IMMP2L: variants seen among roughly 807,000 people sequenced by gnomAD.
The protein encoded by IMMP2L is inner mitochondrial membrane peptidase subunit 2, also known as mitochondrial inner membrane protease subunit 2.
In IMMP2L, 18 loss-of-function variants were observed where a neutral mutation model predicts 19.3. The observed-to-expected ratio is 0.93, with a 90% CI of 0.64 to 1.38. The LOEUF is 1.38. Among genes scored for constraint, IMMP2L ranks in the 40% most tolerant of loss-of-function variants. The pLI, the probability that IMMP2L is intolerant of heterozygous loss-of-function variation, is 0.00. For synonymous variants in IMMP2L, 76 were observed against 73.0 expected (o/e 1.04, Z -0.21); for missense variants, 233 against 218.2 (o/e 1.07, Z -0.43).
chr7:110,861,831 C>A (rs1807459801), intron 5 of IMMP2L, among the ~76,000 whole-genome samples: 1 of 151,964 alleles, frequency 6.6e-6, no homozygotes, highest in Admixed American at 6.6e-5. Context: ...AAGGATAATT[C>A]AGAAGATATG....
intron 3 of IMMP2L, among the ~76,000 whole-genome samples, chr7:111,430,107 C>T (rs1836478865): frequency 6.6e-6 from 1 of 151,802 alleles, no homozygotes; most frequent in Admixed American, 6.6e-5. Context: ...TCCTCTCATC[C>T]ATCTGGTTTT....
At chr7:111,375,049 G>A (rs1345801191) in intron 3 of IMMP2L, among the ~76,000 whole-genome samples, 2 of 152,036 alleles carry the variant, frequency 1.3e-5, no homozygotes, top group Non-Finnish European at 2.9e-5. Context: ...TTATACTTTA[G>A]TGTTGTCTCC....
At chr7:111,386,888 T>A (rs1831811859) in intron 3 of IMMP2L, among the ~76,000 whole-genome samples, 1 of 151,970 alleles carries the variant, frequency 6.6e-6, no homozygotes, top group African/African-American at 2.4e-5. Context: ...AGGCATAAAA[T>A]AACCCCACAA....
chr7:110,953,721 T>C (rs976960284), intron 4 of IMMP2L, among the ~76,000 whole-genome samples: 1 of 152,166 alleles, frequency 6.6e-6, no homozygotes, highest in African/African-American at 2.4e-5. Context: ...TTTCTGGTTC[T>C]AGATCCTTCA....
intron 5 of IMMP2L, among the ~76,000 whole-genome samples, chr7:110,840,263 C>A (rs1181860661): frequency 6.6e-6 from 1 of 152,090 alleles, no homozygotes; most frequent in Non-Finnish European, 1.5e-5. Context: ...CTTCGCCATC[C>A]CGGTTTTCTG....
intron 3 of IMMP2L, among the ~76,000 whole-genome samples, chr7:111,020,565 C>A (rs1233425229): frequency 1.3e-5 from 2 of 152,102 alleles, no homozygotes; most frequent in African/African-American, 4.8e-5. Flanking sequence ...AGTTCAAGAC[C>A]AGCCTGGGCA....
chr7:111,055,137 A>C (rs1028911066), intron 3 of IMMP2L, among the ~76,000 whole-genome samples: 1 of 151,796 alleles, frequency 6.6e-6, no homozygotes, highest in Non-Finnish European at 1.5e-5. Context: ...TGCAGTCTCA[A>C]ACTCTTGGGC....
chr7:111,532,097 A>C (rs1037076008), intron 1 of IMMP2L, among the ~76,000 whole-genome samples: 14 of 152,280 alleles, frequency 9.2e-5, no homozygotes, highest in Admixed American at 9.2e-4. Flanking sequence ...TAACACTCAG[A>C]ACCTAAAAAA....
chr7:110,787,218 G>A (rs758500668), intron 5 of IMMP2L, among the ~76,000 whole-genome samples: 2 of 151,876 alleles, frequency 1.3e-5, no homozygotes, highest in African/African-American at 2.4e-5. Context: ...TCATAATGTT[G>A]CAATATACCC....
At chr7:110,928,687 G>A (rs887637923) in intron 4 of IMMP2L, among the ~76,000 whole-genome samples, 1 of 152,022 alleles carries the variant, frequency 6.6e-6, no homozygotes, top group African/African-American at 2.4e-5. Flanking sequence ...ATTCTCACTT[G>A]AGATTTCTGT....
chr7:111,057,220 G>A (rs1006322728), intron 3 of IMMP2L, among the ~76,000 whole-genome samples: 4 of 152,088 alleles, frequency 2.6e-5, no homozygotes, highest in Non-Finnish European at 5.9e-5. Context: ...CATTGGCATG[G>A]TGCATTCACC....
intron 1 of IMMP2L, among the ~76,000 whole-genome samples, chr7:111,550,448 T>A (rs1397413972): frequency 5.3e-5 from 8 of 152,118 alleles, no homozygotes; most frequent in Non-Finnish European, 1.2e-4. Flanking sequence ...AACAATGAAC[T>A]TTGGGGGATA....
At chr7:110,755,179 G>A (rs922576887) in intron 5 of IMMP2L, among the ~76,000 whole-genome samples, 1 of 151,892 alleles carries the variant, frequency 6.6e-6, no homozygotes, top group Non-Finnish European at 1.5e-5. Context: ...TAAATATTTT[G>A]TTCATAAATA....
chr7:111,480,597 C>CAAA (rs925037556), intron 3 of IMMP2L, among the ~76,000 whole-genome samples: 13 of 55,026 alleles, frequency 2.4e-4, no homozygotes, highest in East Asian at 2.3e-3. Context: ...ATTTTACTGT[C>CAAA]AAAAAAAAAA....
intron 3 of IMMP2L, among the ~76,000 whole-genome samples, chr7:111,315,004 G>A (rs978555293): frequency 4.6e-5 from 7 of 152,064 alleles, no homozygotes; most frequent in East Asian, 1.9e-4. Flanking sequence ...AAAGTAAATC[G>A]GGAGGAAAAT....
At chr7:110,887,738 TGC>T (rs1380712892) in intron 4 of IMMP2L, among the ~76,000 whole-genome samples, 2 of 151,202 alleles carry the variant, frequency 1.3e-5, no homozygotes, top group Non-Finnish European at 2.9e-5. Context: ...GGGCAGAGAC[TGC>T]TTTTTTTTTT....
intron 5 of IMMP2L, among the ~76,000 whole-genome samples, chr7:110,859,791 G>A (rs1807203216): frequency 6.6e-6 from 1 of 151,294 alleles, no homozygotes; most frequent in African/African-American, 2.4e-5. Context: ...ATACAGTTGT[G>A]CAAATAAAAA....
Position 111,301,918 on chromosome 7 carries a change from C to T in IMMP2L, c.239+185320G>A, listed in dbSNP as rs1406653086. 7.7e-5 allele frequency among the ~76,000 whole-genome samples: 6 copies of T among 77,432 alleles called. No homozygotes were observed. The Admixed American group carries it at 8.1e-4, about 10-fold the overall frequency. 50.8% of individuals were successfully genotyped at this position (77,432 alleles called of 152,430 possible). On this transcript the variant is annotated intron_variant, in intron 3 of 5. Transcript: ENST00000405709. ...TAAATTACGCCATGTCAGTTTCATG[C>T]TTTAAAAAAAAAAAAAAAAAAAAAA...
intron 5 of IMMP2L, among the ~76,000 whole-genome samples, chr7:110,846,347 T>TC (rs1292502534): frequency 4.0e-5 from 5 of 123,808 alleles, no homozygotes; most frequent in Middle Eastern, 4.3e-3. Flanking sequence ...AACCCTGATT[T>TC]CTTTTTTTTT....
Sources: gnomAD v4.1 joint callset for allele counts (sites outside exome capture counted in the v4.1 genomes callset) on GRCh38, gnomAD v4.1.1 for gene constraint, MANE v1.5 for transcripts, NCBI Gene and HGNC (gene_info 2026-07-23, HGNC 2026-07-21) for gene names.